ADAMTS9: variants seen among roughly 807,000 people sequenced by gnomAD.
The protein encoded by ADAMTS9 is ADAM metallopeptidase with thrombospondin type 1 motif 9.
ADAMTS9 carries 107 observed loss-of-function variants against 257.1 expected under a neutral mutation model. That is an observed-to-expected ratio of 0.42 (90% CI 0.36 to 0.49). ADAMTS9 has a LOEUF of 0.49. Among genes scored for constraint, ADAMTS9 ranks in the 20% least tolerant of loss-of-function variants. The pLI is 0.03. For missense variants in ADAMTS9, 2,353 were observed against 2,469.1 expected, an observed-to-expected ratio of 0.95 and a Z score of 1.00; for synonymous variants, 982 against 880.9, an observed-to-expected ratio of 1.11 and a Z score of -2.03.
intron 3 of ADAMTS9, among the ~76,000 whole-genome samples, chr3:64,675,212 A>C (rs577169571): frequency 2.2e-4 from 33 of 152,288 alleles, no homozygotes; most frequent in African/African-American, 7.7e-4. Context: ...CAGTTTTCCA[A>C]TCTGCAAAAT....
chr3:64,544,970 C>T (rs375372023), intron 32 of ADAMTS9, among the ~76,000 whole-genome samples: 1 of 149,264 alleles, frequency 6.7e-6, no homozygotes, highest in Non-Finnish European at 1.5e-5. Context: ...AGACACTTCT[C>T]AAAAGAAGAC....
At chr3:64,669,646 G>C (rs534199943) in intron 3 of ADAMTS9, among the ~76,000 whole-genome samples, 60 of 152,274 alleles carry the variant, frequency 3.9e-4, no homozygotes, top group African/African-American at 1.3e-3. Context: ...AAACCCAACA[G>C]AGATTCCCCC....
chr3:64,617,677 G>T (rs1370265208), intron 19 of ADAMTS9, among the ~76,000 whole-genome samples: 2 of 151,988 alleles, frequency 1.3e-5, no homozygotes, highest in African/African-American at 4.8e-5. Flanking sequence ...GGAAGTTGTG[G>T]GATTAAATAA....
intron 28 of ADAMTS9, among the ~76,000 whole-genome samples, chr3:64,580,699 A>C (rs1350637937): frequency 1.3e-5 from 2 of 152,222 alleles, no homozygotes; most frequent in Non-Finnish European, 2.9e-5. Context: ...AAAAGATCCT[A>C]TTCAGAAATG....
chr3:64,535,924 A>G (rs1457644395), intron 37 of ADAMTS9, among the ~76,000 whole-genome samples: 2 of 151,994 alleles, frequency 1.3e-5, no homozygotes, highest in Admixed American at 6.6e-5. Flanking sequence ...TGCCCAGGCC[A>G]TCCTAGTGCC....
intron 28 of ADAMTS9, among the ~76,000 whole-genome samples, chr3:64,585,500 G>A (rs911121455): frequency 2.2e-4 from 33 of 152,242 alleles, no homozygotes; most frequent in African/African-American, 7.7e-4. Context: ...AAATAGTTTG[G>A]AAGACGTTCC....
At chr3:64,619,726 A>G (rs1700058944) in intron 19 of ADAMTS9, among the ~76,000 whole-genome samples, 1 of 152,188 alleles carries the variant, frequency 6.6e-6, no homozygotes, top group African/African-American at 2.4e-5. Context: ...TACCATAACC[A>G]TTACAGAGTA....
chr3:64,547,178 C>A (rs2083211362), intron 31 of ADAMTS9, among the ~76,000 whole-genome samples: 1 of 152,182 alleles, frequency 6.6e-6, no homozygotes, highest in Non-Finnish European at 1.5e-5. Flanking sequence ...ATCTTCTCAG[C>A]CCCCACTGCA....
chr3:64,538,011 G>T (rs1419288551), intron 37 of ADAMTS9, among the ~76,000 whole-genome samples: 1 of 152,192 alleles, frequency 6.6e-6, no homozygotes, highest in Non-Finnish European at 1.5e-5. Flanking sequence ...GCTGCTGAGT[G>T]GCTCCGCTGA....
intron 23 of ADAMTS9, among the ~76,000 whole-genome samples, chr3:64,605,743 ATG>A (rs1184815534): frequency 1.3e-5 from 2 of 152,174 alleles, no homozygotes; most frequent in African/African-American, 2.4e-5. Context: ...GAGAAAAAAG[ATG>A]TGTGTGTGTT....
In ADAMTS9 at chr3:64,687,097, T is replaced by C; in HGVS notation, c.116-129A>G. ...TTCGAGTCAATCCCTTCACCCTTAA[T>C]CAGTGGACAAATATTTGCTGAGCAC... is the stretch of plus-strand genomic sequence containing the variant. On this transcript the variant is annotated intron_variant, in intron 1 of 39. Transcript: ENST00000498707. This position sits in a 1 kb window ranked among gnomAD's most constrained non-coding sequence, Gnocchi z 4.4. The C allele has an allele frequency of 8.9e-7, 1 of 1,125,646 alleles. No individual in the cohort carries two copies. Among genetic ancestry groups the C allele is most frequent in the Admixed American group, 2.7e-5 (1 of 37,548 alleles). The allele number at this position is 1,125,646 out of a possible 1,614,324, so 69.7% of individuals were successfully genotyped here.
chr3:64,629,093 T>A (rs1328236115), intron 16 of ADAMTS9, among the ~76,000 whole-genome samples: 1 of 152,174 alleles, frequency 6.6e-6, no homozygotes, highest in Non-Finnish European at 1.5e-5. Context: ...ACAAGTCATA[T>A]TGGTTCCAAC....
intron 38 of ADAMTS9, among the ~76,000 whole-genome samples, chr3:64,528,218 C>T (rs1188833262): frequency 6.6e-6 from 1 of 152,162 alleles, no homozygotes; most frequent in African/African-American, 2.4e-5. Context: ...CTCTGAAGGC[C>T]TATTCCAGAA....
At chr3:64,569,854 T>A (rs933534262) in intron 28 of ADAMTS9, among the ~76,000 whole-genome samples, 5 of 152,198 alleles carry the variant, frequency 3.3e-5, no homozygotes, top group Admixed American at 2.0e-4. Flanking sequence ...AAAATCTTAA[T>A]GGAGTATACA....
At chr3:64,533,380 T>C in intron 37 of ADAMTS9, 110 bp from the exon 38 acceptor site, 1 of 804,606 alleles carries the variant, frequency 1.2e-6, no homozygotes, top group Non-Finnish European at 2.1e-6. Flanking sequence ...AGGATGTTGA[T>C]TAATTGTGAT....
intron 37 of ADAMTS9, among the ~76,000 whole-genome samples, chr3:64,538,590 G>A (rs2083079895): frequency 6.6e-6 from 1 of 151,842 alleles, no homozygotes; most frequent in African/African-American, 2.4e-5. Flanking sequence ...ACTGCATGTA[G>A]TGTTTTGCAT....
At chr3:64,652,450 A>G (rs955138217) in intron 8 of ADAMTS9, among the ~76,000 whole-genome samples, 1 of 152,216 alleles carries the variant, frequency 6.6e-6, no homozygotes, top group South Asian at 2.1e-4. Flanking sequence ...TGCATAATCA[A>G]TGCAATACCT....
intron 28 of ADAMTS9, chr3:64,584,044 C>A (rs1238824396): frequency 1.3e-5 from 2 of 151,972 alleles, no homozygotes; most frequent in South Asian, 4.1e-4. Context: ...TCAAAGACAA[C>A]CAAAAAGAAG....
chr3:64,517,795 A>C (rs963470559), intron 39 of ADAMTS9, among the ~76,000 whole-genome samples: 1 of 152,142 alleles, frequency 6.6e-6, no homozygotes, highest in Non-Finnish European at 1.5e-5. Context: ...CAAAATATAT[A>C]AAGTACGTAT....
Sources: gnomAD v4.1 joint callset for allele counts (sites outside exome capture counted in the v4.1 genomes callset) on GRCh38, gnomAD v4.1.1 for gene constraint, Gnocchi (gnomAD v3.1) non-coding constraint, MANE v1.5 for transcripts, NCBI Gene and HGNC (gene_info 2026-07-23, HGNC 2026-07-21) for gene names.